Variants in ZNF519 observed in about 807,000 individuals in gnomAD.
The protein encoded by ZNF519 is zinc finger protein 519.
A neutral mutation model predicts 7.4 loss-of-function variants in ZNF519; 7 were observed. That is an observed-to-expected ratio of 0.94 (90% CI 0.54 to 1.77). The LOEUF (loss-of-function observed/expected upper bound fraction) is 1.77, where lower values mean the gene tolerates loss of function less well. Among genes scored for constraint, ZNF519 ranks in the 40% most tolerant of loss-of-function variants. The pLI, the probability that ZNF519 is intolerant of heterozygous loss-of-function variation, is 0.00. For synonymous variants in ZNF519, 179 were observed against 203.3 expected (o/e 0.88, Z 1.02); for missense variants, 586 against 623.1 (o/e 0.94, Z 0.63).
Position 14,101,573 on chromosome 18 carries a change from A to C in ZNF519, c.*3344T>G. The C allele has an allele frequency of 2.5e-6, 1 of 398,108 alleles. No homozygotes were observed. The highest frequency in any genetic ancestry group is 4.4e-6 in the Non-Finnish European group (1 of 225,914). 24.7% of individuals were successfully genotyped at this position (398,108 alleles called of 1,614,324 possible). ...TGTGGGTCACTCAATAGGGAAAGCC[A>C]AGGCACAAAGTCCTGTGAGTCATCA... On this transcript the variant is annotated 3_prime_UTR_variant, in exon 3 of 3. Coordinates refer to ENST00000590202, the MANE Select transcript of ZNF519 (RefSeq NM_145287.4).
chr18:14,097,524 G>C (rs1465290007), downstream of ZNF519, among the ~76,000 whole-genome samples: 1 of 152,156 alleles, frequency 6.6e-6, no homozygotes, highest in African/African-American at 2.4e-5. Context: ...CGTTGAAGGT[G>C]GCCTCCAGCT....
In ZNF519 at chr18:14,105,185, C is replaced by A. The variant is rs1300556071; in HGVS notation, c.1355G>T (p.Arg452Ile). 6.4e-7 allele frequency: 1 copy of A among 1,570,906 alleles called. No individual in the cohort carries two copies. The highest frequency in any genetic ancestry group is 1.7e-5 in the Admixed American group (1 of 58,604). Reference sequence around the variant, plus strand: ...GAAAGACTTCTCTCCAGTATGGATTCTTTGATGTCGAGTAAGGTGTGAGCC... The same window carrying A: ...GAAAGACTTCTCTCCAGTATGGATTATTTGATGTCGAGTAAGGTGTGAGCC... ...NRGSHLTRHQ[R>I]IHTGEKSFKC... The change falls in exon 3 of 3, where the codon AGA (arginine) becomes ATA (isoleucine). Residue 452 changes from arginine to isoleucine, a missense_variant. Arg to Ile is a moderately conservative substitution (Grantham distance 97). Coordinates refer to ENST00000590202, the MANE Select transcript of ZNF519 (RefSeq NM_145287.4).
Position 14,128,690 on chromosome 18 carries a change from AAC to A in ZNF519, c.3+3583_3+3584del, listed in dbSNP as rs71366097. 4.4e-3 allele frequency among the ~76,000 whole-genome samples: 570 copies of A among 130,632 alleles called. 13 individuals carry two copies. Among genetic ancestry groups the A allele is most frequent in the African/African-American group, 0.01 (344 of 33,254 alleles). The allele number at this position is 130,632 out of a possible 152,430, so 85.7% of individuals were successfully genotyped here. ...CCTAGATTAAGACAATTCTGAGTCA[AAC>A]ACACACACACACACACACACACACA... On this transcript the variant is annotated intron_variant, in intron 1 of 2. Transcript: ENST00000590202.
downstream of ZNF519, among the ~76,000 whole-genome samples, chr18:14,098,766 C>A (rs1396451972): frequency 6.6e-6 from 1 of 152,186 alleles, no homozygotes; most frequent in Non-Finnish European, 1.5e-5. Context: ...ACTTATTTAA[C>A]CTCGGGACCT....
chr18:14,125,534 AT>A (rs534082354), intron 1 of ZNF519, among the ~76,000 whole-genome samples: 46 of 152,302 alleles, frequency 3.0e-4, no homozygotes, highest in African/African-American at 1.0e-3. Context: ...GTATAGAATA[AT>A]AGCTCATTTT....
downstream of ZNF519, among the ~76,000 whole-genome samples, chr18:14,096,199 T>C (rs2046135911): frequency 6.6e-6 from 1 of 152,162 alleles, no homozygotes; most frequent in South Asian, 2.1e-4. Flanking sequence ...TTCCCCCGAG[T>C]GGGCTGCATC....
At chr18:14,107,414 T>G (rs1036148407) in intron 2 of ZNF519, among the ~76,000 whole-genome samples, 1 of 152,166 alleles carries the variant, frequency 6.6e-6, no homozygotes, top group Non-Finnish European at 1.5e-5. Flanking sequence ...GCCCTCGACC[T>G]GGAATAATCT....
rs756730268 is a variant in ZNF519 at position 14,104,371 on chromosome 18, T to A, written c.*546A>T. On this transcript the variant is annotated 3_prime_UTR_variant, in exon 3 of 3. Transcript: ENST00000590202. ...CAAAAAGAGCAACTCCATTTAGATT[T>A]CATCATACATCCTATATGCCAATGC... 3 of 152,446 alleles carry A rather than the reference T, an allele frequency of 2.0e-5. No individual in the cohort carries two copies. 9.4% of individuals were successfully genotyped at this position (152,446 alleles called of 1,614,324 possible). A position where few individuals can be genotyped will look rare whatever the true frequency, so the allele number is the denominator to read the frequency against.
intron 1 of ZNF519, among the ~76,000 whole-genome samples, chr18:14,126,840 C>A: frequency 6.6e-6 from 1 of 152,194 alleles, no homozygotes; most frequent in East Asian, 1.9e-4. Flanking sequence ...GTCAGACTGA[C>A]CCCAATTTGC....
In ZNF519 at chr18:14,104,894, C is replaced by T. The variant is rs1267036717; in HGVS notation, c.*23G>A. The T allele has an allele frequency of 6.6e-7, 1 of 1,510,150 alleles. No individual in the cohort carries two copies. The highest frequency in any genetic ancestry group is 8.8e-7 in the Non-Finnish European group (1 of 1,131,432). The allele number at this position is 1,510,150 out of a possible 1,614,324, so 93.5% of individuals were successfully genotyped here. On this transcript the variant is annotated 3_prime_UTR_variant, in exon 3 of 3. Transcript: ENST00000590202. ...TGAGCACCAGTTTAGGGTTTTAGCA[C>T]ATTCTTTACACTTGCAGGGTTTCTA...
chr18:14,079,858 A>G (rs2046063371), intron 3 of ZNF519, among the ~76,000 whole-genome samples: 2 of 152,204 alleles, frequency 1.3e-5, no homozygotes, highest in Admixed American at 1.3e-4. Flanking sequence ...GGCTTTTTAG[A>G]TACAGCATCA....
chr18:14,113,059 TTATTTA>T (rs2046229724), intron 2 of ZNF519, among the ~76,000 whole-genome samples: 2 of 152,240 alleles, frequency 1.3e-5, no homozygotes, highest in South Asian at 4.1e-4. Context: ...CAGGATCTTA[TTATTTA>T]TAAGTGAAAA....
At chr18:14,098,149 A>C (rs1211602955), downstream of ZNF519, among the ~76,000 whole-genome samples, 1 of 148,616 alleles carries the variant, frequency 6.7e-6, no homozygotes, top group Non-Finnish European at 1.5e-5. Flanking sequence ...TCGCCTATAC[A>C]ACTTTCACTG....
chr18:14,127,722 TA>T (rs1382181254), intron 1 of ZNF519, among the ~76,000 whole-genome samples: 1 of 152,118 alleles, frequency 6.6e-6, no homozygotes, highest in Non-Finnish European at 1.5e-5. Context: ...CCAGGAGCAC[TA>T]ATGGAGGTGG....
At chr18:14,122,953 C>T (rs191126500) in intron 2 of ZNF519, among the ~76,000 whole-genome samples, 26 of 137,592 alleles carry the variant, frequency 1.9e-4, no homozygotes, top group African/African-American at 1.9e-4. Context: ...CGACAGGCCC[C>T]GGTGTGTGAT....
At chr18:14,127,698 C>T (rs1372302709) in intron 1 of ZNF519, among the ~76,000 whole-genome samples, 2 of 152,072 alleles carry the variant, frequency 1.3e-5, no homozygotes, top group Admixed American at 1.3e-4. Context: ...GAATCAGTGT[C>T]AGATGTGAAG....
chr18:14,119,134 G>C (rs781289234), intron 2 of ZNF519, among the ~76,000 whole-genome samples: 4 of 152,088 alleles, frequency 2.6e-5, no homozygotes, highest in Non-Finnish European at 5.9e-5. Flanking sequence ...CTAATCTCTG[G>C]TAACAGGACC....
chr18:14,115,007 A>G (rs1299442283), intron 2 of ZNF519, among the ~76,000 whole-genome samples: 3 of 152,192 alleles, frequency 2.0e-5, no homozygotes, highest in African/African-American at 4.8e-5. Flanking sequence ...TTAAAAAAAG[A>G]CCACTGGTCT....
chr18:14,071,178 T>C (rs1006272817), downstream of ZNF519: 3 of 151,824 alleles, frequency 2.0e-5, no homozygotes, highest in Admixed American at 2.0e-4. Context: ...AAATAATTGG[T>C]GATCCACAAA....
Sources: gnomAD v4.1 joint callset for allele counts (sites outside exome capture counted in the v4.1 genomes callset) on GRCh38, gnomAD v4.1.1 for gene constraint, MANE v1.5 for transcripts, NCBI Gene and HGNC (gene_info 2026-07-23, HGNC 2026-07-21) for gene names.